ATP13A2: variants seen among roughly 807,000 people sequenced by gnomAD.
The protein encoded by ATP13A2 is ATPase cation transporting 13A2, also known as polyamine-transporting ATPase 13A2.
ATP13A2 carries 83 observed loss-of-function variants against 138.3 expected under a neutral mutation model. The observed-to-expected ratio is 0.60, with a 90% CI of 0.50 to 0.72. The LOEUF is 0.72. ATP13A2 is among the 30% of genes least tolerant of loss of function. The pLI, the probability that ATP13A2 is intolerant of heterozygous loss-of-function variation, is 0.00. For missense variants in ATP13A2, 1,402 were observed against 1,606.4 expected (o/e 0.87, Z 2.17); for synonymous variants, 663 against 699.0 (o/e 0.95, Z 0.81).
intron 19 of ATP13A2, 67 bp from the exon 20 acceptor site, chr1:16,991,925 C>A: frequency 6.2e-7 from 1 of 1,612,592 alleles, no homozygotes. Flanking sequence ...AGCCACCAGG[C>A]AGGGCATCTT....
intron 1 of ATP13A2, among the ~76,000 whole-genome samples, chr1:17,007,917 C>T (rs1435216336): frequency 6.6e-6 from 1 of 152,000 alleles, no homozygotes; most frequent in Non-Finnish European, 1.5e-5. Flanking sequence ...GCACAGCACC[C>T]CCAGCCTCTG....
chr1:16,994,199 T>TCTCTCTC (rs1159961127), intron 15 of ATP13A2, among the ~76,000 whole-genome samples: 12 of 110,368 alleles, frequency 1.1e-4, no homozygotes, highest in South Asian at 6.0e-4. Context: ...CTCTCTCTCA[T>TCTCTCTC]TTATTTATTT....
At position 16,988,483 on chromosome 1, in the gene ATP13A2, A is replaced by G. The variant is rs376189607; in HGVS notation, c.2610-9T>C. Reference sequence around the variant, plus strand: ...ACATGCCCACGCAGTACCTGAAGAGAGGTGTGGACAGGTGTGGCCTGGGGA... The same window carrying G: ...ACATGCCCACGCAGTACCTGAAGAGGGGTGTGGACAGGTGTGGCCTGGGGA... On this transcript the variant is annotated splice_polypyrimidine_tract_variant and intron_variant, in intron 23 of 28. Coordinates refer to ENST00000326735, the MANE Select transcript of ATP13A2 (RefSeq NM_022089.4). The G allele has an allele frequency of 4.2e-5, 67 of 1,613,310 alleles. No individual in the cohort carries two copies. In the African/African-American group the frequency reaches 7.9e-4, roughly 19 times the overall value.
At position 16,988,224 on chromosome 1, in the gene ATP13A2, A is replaced by G; in HGVS notation, c.2773T>C (p.Cys925Arg). The G allele has an allele frequency of 1.2e-6, 2 of 1,614,190 alleles. No homozygotes were observed. Among genetic ancestry groups the G allele is most frequent in the Non-Finnish European group, 1.7e-6 (2 of 1,180,018 alleles). Residue 925 changes from cysteine (C) to arginine (R), a missense_variant, in exon 25 of 29, where the codon TGT becomes CGT. By Grantham distance (180) the Cys-to-Arg change is radical (BLOSUM62 -3). Coordinates refer to ENST00000326735, the MANE Select transcript of ATP13A2 (RefSeq NM_022089.4). ...CVPMVIREGR[C>R]SLDTSFSVFK... ...ACGCTGAACGAAGTGTCAAGGGAAC[A>G]GCGCCCCTCCCTGGGTGGCAGGGCA... is the stretch of plus-strand genomic sequence containing the variant.
chr1:17,001,593 C>G (rs2077358680), intron 8 of ATP13A2, among the ~76,000 whole-genome samples: 2 of 152,218 alleles, frequency 1.3e-5, no homozygotes, highest in African/African-American at 4.8e-5. Flanking sequence ...ACTGGCTTCT[C>G]TTTGTCCCTG....
intron 2 of ATP13A2, 38 bp downstream of exon 2, chr1:17,005,646 C>A: frequency 5.6e-6 from 9 of 1,612,988 alleles, no homozygotes; most frequent in Non-Finnish European, 7.6e-6. Flanking sequence ...GGGCATTCAC[C>A]CCCTGCAGCT....
chr1:16,998,004 C>CT (rs1355960959), intron 11 of ATP13A2, among the ~76,000 whole-genome samples: 1 of 152,172 alleles, frequency 6.6e-6, no homozygotes, highest in Non-Finnish European at 1.5e-5. Flanking sequence ...GGCAGGCTGC[C>CT]TAGCAAACAG....
intron 11 of ATP13A2, among the ~76,000 whole-genome samples, chr1:16,999,151 C>G (rs1380773370): frequency 6.6e-6 from 1 of 151,824 alleles, no homozygotes; most frequent in Non-Finnish European, 1.5e-5. Flanking sequence ...GAGGCTGGGG[C>G]GGGCAGATCA....
Position 16,991,868 on chromosome 1 carries a change from G to A in ATP13A2, c.2127-10C>T. The A allele has an allele frequency of 1.2e-6, 2 of 1,614,066 alleles. No individual in the cohort carries two copies. ...TCCTTCCACAGTGTCCCTGGAGGGT[G>A]GGCAGACCTGGATCAGAGGTCATGC... is the stretch of plus-strand genomic sequence containing the variant. On this transcript the variant is annotated splice_polypyrimidine_tract_variant and intron_variant, in intron 19 of 28. Transcript: ENST00000326735.
chr1:17,009,030 C>T (rs990697409), intron 1 of ATP13A2, among the ~76,000 whole-genome samples: 62 of 151,974 alleles, frequency 4.1e-4, no homozygotes, highest in African/African-American at 1.4e-3. Context: ...GCCATCCCTG[C>T]GGTGCTGATT....
At chr1:16,999,097 GCA>G (rs1221692923) in intron 11 of ATP13A2, among the ~76,000 whole-genome samples, 1 of 152,004 alleles carries the variant, frequency 6.6e-6, no homozygotes, top group Non-Finnish European at 1.5e-5. Flanking sequence ...CAGCTCAGAT[GCA>G]GCCAGGTGCT....
chr1:16,996,641 G>A, intron 12 of ATP13A2, 145 bp from the exon 13 acceptor site: 1 of 690,202 alleles, frequency 1.4e-6, no homozygotes, highest in Non-Finnish European at 2.6e-6. Flanking sequence ...GTCCTAACAG[G>A]TCTGGCCCGG....
At chr1:17,003,614 C>CACACACACACACAT (rs1338420651) in intron 6 of ATP13A2, among the ~76,000 whole-genome samples, 39 of 151,320 alleles carry the variant, frequency 2.6e-4, no homozygotes, top group Non-Finnish European at 1.0e-4. Context: ...CACACACACA[C>CACACACACACACAT]ACACACACAT....
intron 1 of ATP13A2, among the ~76,000 whole-genome samples, chr1:17,007,372 C>A (rs1570906933): frequency 6.6e-6 from 1 of 152,182 alleles, no homozygotes; most frequent in East Asian, 1.9e-4. Context: ...AGGGCCCTCC[C>A]CAGACTGGCT....
intron 16 of ATP13A2, 77 bp downstream of exon 16, chr1:16,993,552 T>C (rs2077008791): frequency 2.2e-6 from 3 of 1,365,350 alleles, no homozygotes; most frequent in South Asian, 1.3e-5. Context: ...CCCTGAAAGA[T>C]GGAGAGGGAA....
At position 17,000,044 on chromosome 1, in the gene ATP13A2, C is replaced by A. The variant is rs1259573020; in HGVS notation, c.1006G>T (p.Gly336Cys). 4.3e-6 allele frequency: 7 copies of A among 1,612,446 alleles called. No individual in the cohort carries two copies. The highest frequency in any genetic ancestry group is 1.7e-5 in the Admixed American group (1 of 59,922). Residue 336 changes from glycine to cysteine, a missense_variant, in exon 11 of 29, where the codon GGC becomes TGC. Transcript: ENST00000326735. ...GAGCTCTCATTCACCATGCACTCGC[C>A]GGCCACCAGGGCGGCATCACAGGGC... ...LMPCDAALVA[G>C]ECMVNESSLT...
intron 16 of ATP13A2, 105 bp downstream of exon 16, chr1:16,993,524 G>A (rs2077008016): frequency 9.0e-7 from 1 of 1,108,114 alleles, no homozygotes. Flanking sequence ...TATTAATGGT[G>A]GGCATAATAA....
intron 15 of ATP13A2, among the ~76,000 whole-genome samples, chr1:16,994,818 G>A (rs1557689049): frequency 6.6e-6 from 1 of 151,564 alleles, no homozygotes; most frequent in South Asian, 2.1e-4. Context: ...ATATGTCACC[G>A]TGCCTGGCTA....
In ATP13A2 at chr1:17,002,028, C is replaced by A. The variant is rs1236314081; in HGVS notation, c.705+6G>T. 1.2e-6 allele frequency: 2 copies of A among 1,609,770 alleles called. No individual in the cohort carries two copies. The highest frequency in any genetic ancestry group is 4.5e-5 in the East Asian group (2 of 44,838). ...GGGCTGGGGCAAGACCCAGGGACAG[C>A]CCTACCTCGTCCACCAGCAGCTGGG... On this transcript the variant is annotated splice_donor_region_variant and intron_variant, in intron 8 of 28. Transcript: ENST00000326735.
Sources: allele counts gnomAD v4.1 joint callset (sites outside exome capture counted in the v4.1 genomes callset), GRCh38; gene constraint gnomAD v4.1.1; transcripts MANE v1.5; gene names NCBI Gene and HGNC (gene_info 2026-07-23, HGNC 2026-07-21).